MFHAS1: variants seen among roughly 807,000 people sequenced by gnomAD.
MFHAS1 encodes the protein multifunctional ROCO family signaling regulator 1, also known as malignant fibrous histiocytoma-amplified sequence 1.
A neutral mutation model predicts 70.4 loss-of-function variants in MFHAS1; 50 were observed. The ratio of observed to expected loss-of-function variants is 0.71; its 90% CI spans 0.57 to 0.90. MFHAS1 has a LOEUF of 0.90. MFHAS1 is among the 40% of genes least tolerant of loss of function. MFHAS1 has a pLI of 0.00. For missense variants in MFHAS1, 1,795 were observed against 1,347.6 expected (o/e 1.33, Z -5.20); for synonymous variants, 952 against 620.0 (o/e 1.54, Z -7.96).
At chr8:8,826,489 T>C (rs368109211) in intron 1 of MFHAS1, among the ~76,000 whole-genome samples, 1 of 152,094 alleles carries the variant, frequency 6.6e-6, no homozygotes, top group African/African-American at 2.4e-5. Context: ...TCCCAGCACT[T>C]TGAGAGACCC....
intron 1 of MFHAS1, among the ~76,000 whole-genome samples, chr8:8,854,414 C>G (rs371711560): frequency 2.0e-5 from 3 of 151,934 alleles, no homozygotes; most frequent in Non-Finnish European, 4.4e-5. Context: ...CCAGCTACTC[C>G]GGAGGCTGAG....
At chr8:8,864,308 C>T (rs1383346027) in intron 1 of MFHAS1, among the ~76,000 whole-genome samples, 1 of 152,336 alleles carries the variant, frequency 6.6e-6, no homozygotes, top group Admixed American at 6.5e-5. Flanking sequence ...CTGCTACTGG[C>T]CATGAGGGCC....
At chr8:8,887,865 A>C (rs552373411) in intron 1 of MFHAS1, among the ~76,000 whole-genome samples, 1,697 of 150,060 alleles carry the variant, frequency 0.011, 39 homozygotes, top group African/African-American at 0.039. Flanking sequence ...AAAACAAAAA[A>C]AAAAAAAAAA....
At chr8:8,831,300 G>A (rs1254698922) in intron 1 of MFHAS1, among the ~76,000 whole-genome samples, 1 of 151,998 alleles carries the variant, frequency 6.6e-6, no homozygotes, top group Non-Finnish European at 1.5e-5. Flanking sequence ...TCACAAATCA[G>A]TCCCAAGCAA....
intron 1 of MFHAS1, among the ~76,000 whole-genome samples, chr8:8,860,654 A>G (rs1048346980): frequency 3.9e-5 from 6 of 152,230 alleles, no homozygotes; most frequent in Non-Finnish European, 7.3e-5. Context: ...ATGAAATGCC[A>G]TAACATCACC....
chr8:8,803,516 CAAAAA>C (rs34602481), intron 1 of MFHAS1, among the ~76,000 whole-genome samples: 1 of 125,654 alleles, frequency 8.0e-6, no homozygotes, highest in Admixed American at 7.7e-5. Context: ...GACCCTGTCT[CAAAAA>C]AAAAAAAAAA....
At chr8:8,805,851 C>T (rs562865414) in intron 1 of MFHAS1, among the ~76,000 whole-genome samples, 1 of 151,698 alleles carries the variant, frequency 6.6e-6, no homozygotes, top group Non-Finnish European at 1.5e-5. Flanking sequence ...GCGCGCACCA[C>T]CATGACTGGC....
At chr8:8,798,307 C>T (rs1268903424) in intron 1 of MFHAS1, among the ~76,000 whole-genome samples, 2 of 152,166 alleles carry the variant, frequency 1.3e-5, no homozygotes, top group Non-Finnish European at 2.9e-5. Flanking sequence ...AACTGCCCTA[C>T]TTAAACCTAG....
At chr8:8,840,797 T>C (rs1405584079) in intron 1 of MFHAS1, among the ~76,000 whole-genome samples, 1 of 152,174 alleles carries the variant, frequency 6.6e-6, no homozygotes, top group African/African-American at 2.4e-5. Flanking sequence ...AACCTAGTGA[T>C]TTGCCTTGCC....
At chr8:8,828,479 T>A (rs1213845767) in intron 1 of MFHAS1, among the ~76,000 whole-genome samples, 1 of 152,122 alleles carries the variant, frequency 6.6e-6, no homozygotes, top group Non-Finnish European at 1.5e-5. Context: ...CCATACTGTA[T>A]CTTAGGCCGT....
chr8:8,878,890 A>G (rs1809398658), intron 1 of MFHAS1, among the ~76,000 whole-genome samples: 1 of 152,214 alleles, frequency 6.6e-6, no homozygotes, highest in Non-Finnish European at 1.5e-5. Context: ...ACTTCAAAGC[A>G]TCTCTCAGCA....
chr8:8,810,844 A>G (rs1278322145), intron 1 of MFHAS1, among the ~76,000 whole-genome samples: 2 of 152,060 alleles, frequency 1.3e-5, no homozygotes, highest in Admixed American at 1.3e-4. Context: ...GTCTCCTAAC[A>G]TTTCTGCAGA....
intron 1 of MFHAS1, among the ~76,000 whole-genome samples, chr8:8,832,069 C>CACACAG (rs1249168529): frequency 6.6e-6 from 1 of 151,416 alleles, no homozygotes; most frequent in Admixed American, 6.6e-5. Context: ...CGCGCACACA[C>CACACAG]ACACACACAC....
chr8:8,871,849 G>C (rs556618153), intron 1 of MFHAS1, among the ~76,000 whole-genome samples: 1 of 152,256 alleles, frequency 6.6e-6, no homozygotes, highest in African/African-American at 2.4e-5. Context: ...AAGATGCAAG[G>C]CCTCTTTCTC....
chr8:8,824,462 G>A (rs778235124), intron 1 of MFHAS1, among the ~76,000 whole-genome samples: 1 of 151,708 alleles, frequency 6.6e-6, no homozygotes, highest in Non-Finnish European at 1.5e-5. Context: ...TTCTGGCTCA[G>A]ATGCAGTGCT....
At chr8:8,810,801 G>A (rs1033111112) in intron 1 of MFHAS1, among the ~76,000 whole-genome samples, 1 of 152,152 alleles carries the variant, frequency 6.6e-6, no homozygotes, top group Non-Finnish European at 1.5e-5. Context: ...CCTAAACCCC[G>A]AGTTGTTCAA....
chr8:8,788,194 G>C (rs1202843674), intron 2 of MFHAS1, among the ~76,000 whole-genome samples: 3 of 152,196 alleles, frequency 2.0e-5, no homozygotes, highest in East Asian at 3.8e-4. Context: ...CTCCAAAGAG[G>C]CTATTAGGTT....
chr8:8,880,289 T>C (rs1449935335), intron 1 of MFHAS1, among the ~76,000 whole-genome samples: 2 of 152,210 alleles, frequency 1.3e-5, no homozygotes, highest in African/African-American at 4.8e-5. Flanking sequence ...ATGACACCAA[T>C]GTATCTGCCC....
In MFHAS1 at chr8:8,784,305, C is replaced by G. The variant is rs537586609; in HGVS notation, c.*1717G>C. On this transcript the variant is annotated 3_prime_UTR_variant, in exon 3 of 3. Coordinates refer to ENST00000276282, the MANE Select transcript of MFHAS1 (RefSeq NM_004225.3). The stretch of plus-strand genomic sequence containing the variant: ...ACATGCACACACACACACACGGAGA[C>G]GCGCACACACACACGAGAACTGTGA... 1 of 151,976 alleles carries G rather than the reference C, an allele frequency of 6.6e-6. No homozygotes were observed. The highest frequency in any genetic ancestry group is 2.4e-5 in the African/African-American group (1 of 41,354). 9.4% of individuals were successfully genotyped at this position (151,976 alleles called of 1,614,324 possible).
Sources: allele counts gnomAD v4.1 joint callset (sites outside exome capture counted in the v4.1 genomes callset), GRCh38; gene constraint gnomAD v4.1.1; transcripts MANE v1.5; gene names NCBI Gene and HGNC (gene_info 2026-07-23, HGNC 2026-07-21).